KMT5A: variants seen among roughly 807,000 people sequenced by gnomAD.
KMT5A encodes lysine methyltransferase 5A, also known as N-lysine methyltransferase KMT5A.
KMT5A carries 6 observed loss-of-function variants against 40.6 expected under a neutral mutation model. That is an observed-to-expected ratio of 0.15 (90% CI 0.08 to 0.29). The LOEUF (loss-of-function observed/expected upper bound fraction) is 0.29, where lower values mean the gene tolerates loss of function less well. Ranked by LOEUF, KMT5A falls within the 10% of genes least tolerant of loss-of-function variation. KMT5A has a pLI of 1.00. For missense variants in KMT5A, 308 were observed against 459.1 expected (o/e 0.67, Z 3.01); for synonymous variants, 153 against 178.8 (o/e 0.86, Z 1.15).
intron 3 of KMT5A, among the ~76,000 whole-genome samples, chr12:123,393,354 C>T (rs530192162): frequency 6.6e-6 from 1 of 152,182 alleles, no homozygotes; most frequent in South Asian, 2.1e-4. Flanking sequence ...TTAGGCGTCA[C>T]CTTCGATTCC....
At chr12:123,398,636 G>T (rs1441054473) in intron 5 of KMT5A, among the ~76,000 whole-genome samples, 1 of 152,214 alleles carries the variant, frequency 6.6e-6, no homozygotes, top group African/African-American at 2.4e-5. Flanking sequence ...GCCCCCCACT[G>T]TTTGTGTTGG....
chr12:123,401,310 G>A (rs1265964477), intron 5 of KMT5A, among the ~76,000 whole-genome samples: 3 of 150,544 alleles, frequency 2.0e-5, no homozygotes, highest in Non-Finnish European at 4.4e-5. Context: ...CACCATGCCC[G>A]GCTAATTTTT....
At chr12:123,389,636 CCCGGGGCGCCCGG>C (rs1877127929) in intron 2 of KMT5A, 82 bp downstream of exon 2, 1 of 967,446 alleles carries the variant, frequency 1.0e-6, no homozygotes, top group Non-Finnish European at 1.2e-6. Flanking sequence ...CGGGTACCCG[CCCGGGGCGCCCGG>C]CCGGGCCGCT....
intron 5 of KMT5A, among the ~76,000 whole-genome samples, chr12:123,398,620 T>G (rs1184486191): frequency 1.3e-5 from 2 of 152,234 alleles, no homozygotes; most frequent in Non-Finnish European, 2.9e-5. Context: ...CCGGGAGCCG[T>G]GCTTTGCCCC....
At chr12:123,396,274 C>T (rs999196658) in intron 4 of KMT5A, 71 bp from the exon 5 acceptor site, 15 of 1,449,964 alleles carry the variant, frequency 1.0e-5, no homozygotes, top group Non-Finnish European at 1.4e-5. Flanking sequence ...CGGTGTGTGC[C>T]TTCTAAGGAG....
At chr12:123,392,150 C>G (rs1877363424) in intron 3 of KMT5A, among the ~76,000 whole-genome samples, 1 of 152,110 alleles carries the variant, frequency 6.6e-6, no homozygotes, top group Non-Finnish European at 1.5e-5. Flanking sequence ...ACTCCATGTG[C>G]CAGCTCTTCA....
chr12:123,395,169 C>T lies in KMT5A; in HGVS notation c.412C>T (p.Pro138Ser). The change falls in exon 4 of 8, where the codon CCA becomes TCA. Residue 138 changes from proline to serine, a missense_variant. This residue lies in a region of KMT5A where 127 missense variants were observed against 129.8 expected (regional missense o/e 0.98). Transcript: ENST00000402868. The part of the protein sequence containing the change: ...PNQKSEAAEP[P>S]KTPPSSCDST... ...CCAAAAATCTGAAGCAGCAGAACCTCCAAAAACTCCACCCTCATCTTGTGA... is the reference window on the plus strand; with the variant it reads ...CCAAAAATCTGAAGCAGCAGAACCTTCAAAAACTCCACCCTCATCTTGTGA... The T allele has an allele frequency of 6.2e-7, 1 of 1,612,726 alleles. No homozygotes were observed. The highest frequency in any genetic ancestry group is 1.1e-5 in the South Asian group (1 of 90,800).
intron 3 of KMT5A, among the ~76,000 whole-genome samples, 157 bp from the exon 4 acceptor site, chr12:123,394,890 G>T (rs1877574819): frequency 6.6e-6 from 1 of 152,130 alleles, no homozygotes; most frequent in African/African-American, 2.4e-5. Context: ...CCCTGTCATA[G>T]CCCATAGCGG....
At chr12:123,389,992 G>C (rs967678939) in intron 2 of KMT5A, 10 of 457,538 alleles carry the variant, frequency 2.2e-5, no homozygotes, top group African/African-American at 1.4e-4. Flanking sequence ...CCACCGCCCC[G>C]TCCACTCTCT....
At chr12:123,396,549 T>G in intron 5 of KMT5A, 117 bp downstream of exon 5, 1 of 888,606 alleles carries the variant, frequency 1.1e-6, no homozygotes, top group Non-Finnish European at 1.8e-6. Flanking sequence ...GGAGCAAGTC[T>G]CTTGGCCCCT....
chr12:123,392,395 G>C (rs1276947993), intron 3 of KMT5A, among the ~76,000 whole-genome samples: 1 of 152,060 alleles, frequency 6.6e-6, no homozygotes, highest in Non-Finnish European at 1.5e-5. Flanking sequence ...TGGTGGCTCG[G>C]GTTTGTAATT....
At chr12:123,396,038 G>T (rs1877696600) in intron 4 of KMT5A, among the ~76,000 whole-genome samples, 1 of 152,010 alleles carries the variant, frequency 6.6e-6, no homozygotes, top group Non-Finnish European at 1.5e-5. Flanking sequence ...TAGAGACGGG[G>T]TTTTGCTGTG....
chr12:123,389,572 C>T lies in KMT5A; in HGVS notation c.132+18C>T. 9.3e-7 allele frequency: 1 copy of T among 1,079,112 alleles called. No individual in the cohort carries two copies. Among genetic ancestry groups the T allele is most frequent in the Non-Finnish European group, 1.1e-6 (1 of 891,286 alleles). The allele number at this position is 1,079,112 out of a possible 1,614,324, so 66.8% of individuals were successfully genotyped here. A position where few individuals can be genotyped will look rare whatever the true frequency, so the allele number is the denominator to read the frequency against. On this transcript the variant is annotated intron_variant, in intron 2 of 7. Coordinates refer to ENST00000402868, the MANE Select transcript of KMT5A (RefSeq NM_020382.7). ...CCGACGGGGTAAGCAGGCACCCTCC[C>T]CGCACCCCTGCGGCGCGCCCGCCGG...
intron 5 of KMT5A, among the ~76,000 whole-genome samples, chr12:123,398,213 C>T (rs371999757): frequency 7.9e-5 from 12 of 151,568 alleles, no homozygotes; most frequent in South Asian, 4.2e-4. Flanking sequence ...ACCCAGGAGA[C>T]GGTAGTTGCA....
intron 5 of KMT5A, among the ~76,000 whole-genome samples, chr12:123,397,281 C>T (rs1370810320): frequency 6.6e-6 from 1 of 152,224 alleles, no homozygotes; most frequent in Non-Finnish European, 1.5e-5. Context: ...GCAGGTCCCT[C>T]TGCTCTTCCC....
intron 1 of KMT5A, chr12:123,388,988 C>A (rs1158051757): frequency 7.0e-6 from 1 of 143,586 alleles, no homozygotes; most frequent in African/African-American, 2.5e-5. Context: ...GCGCCGCCTG[C>A]GCCTCCTTCC....
chr12:123,409,212 T>G lies in KMT5A; in HGVS notation c.*1509T>G. The G allele has an allele frequency of 6.6e-6, 1 of 152,356 alleles. No individual in the cohort carries two copies. The highest frequency in any genetic ancestry group is 1.9e-4 in the East Asian group (1 of 5,172). The allele number at this position is 152,356 out of a possible 1,614,324, so 9.4% of individuals were successfully genotyped here. ...CAGTGGTCAGCAAATTGGAAGAGGA[T>G]CCGATGGGAGTGTAAATGTGAGACA... is the stretch of plus-strand genomic sequence containing the variant. On this transcript the variant is annotated 3_prime_UTR_variant, in exon 8 of 8. Coordinates refer to ENST00000402868, the MANE Select transcript of KMT5A (RefSeq NM_020382.7).
chr12:123,401,058 C>T (rs1046530821), intron 5 of KMT5A, among the ~76,000 whole-genome samples: 36 of 150,116 alleles, frequency 2.4e-4, no homozygotes, highest in African/African-American at 8.6e-4. Flanking sequence ...GCCTCCCAAA[C>T]TGCTGGGATT....
rs116182800 is a variant in KMT5A at position 123,396,555 on chromosome 12, C to T, written c.597+123C>T. On this transcript the variant is annotated intron_variant, in intron 5 of 7. Transcript: ENST00000402868. ...CGTCATCTTGGAGCAAGTCTCTTGGCCCCTCTGGACTTGGTTTTCTCCTGG... is the reference window on the plus strand; with the variant it reads ...CGTCATCTTGGAGCAAGTCTCTTGGTCCCTCTGGACTTGGTTTTCTCCTGG... The T allele has an allele frequency of 1.4e-4, 116 of 844,628 alleles. No individual in the cohort carries two copies. In the African/African-American group the frequency reaches 1.8e-3, roughly 13 times the overall value. 52.3% of individuals were successfully genotyped at this position (844,628 alleles called of 1,614,324 possible).
Sources: allele counts gnomAD v4.1 joint callset (sites outside exome capture counted in the v4.1 genomes callset), GRCh38; gene constraint gnomAD v4.1.1; regional missense constraint gnomAD v4.1.1; transcripts MANE v1.5; gene names NCBI Gene and HGNC (gene_info 2026-07-23, HGNC 2026-07-21).